The following TJP2 variants were observed in gnomAD, a reference collection of about 807,000 sequenced individuals.
TJP2 encodes the protein Friedreich ataxia region gene X104 (tight junction protein ZO-2).
TJP2 carries 91 observed loss-of-function variants against 133.1 expected under a neutral mutation model. That is an observed-to-expected ratio of 0.68 (90% CI 0.58 to 0.81). The LOEUF (loss-of-function observed/expected upper bound fraction) is 0.81. Ranked by LOEUF, TJP2 falls within the 40% of genes least tolerant of loss-of-function variation. The pLI is 0.00. For missense variants in TJP2, 1,541 were observed against 1,565.6 expected (o/e 0.98, Z 0.26); for synonymous variants, 592 against 583.4 (o/e 1.01, Z -0.21).
Position 69,221,270 on chromosome 9 carries a change from C to A in TJP2, c.726C>A (p.Gly242=), listed in dbSNP as rs778068606. 1 of 1,608,318 alleles carries A rather than the reference C, an allele frequency of 6.2e-7. No individual in the cohort carries two copies. Among genetic ancestry groups the A allele is most frequent in the South Asian group, 1.1e-5 (1 of 90,320 alleles). ...ACCGGGACCGTGACCGCAGCCGCGG[C>A]CGGAGCATTGACCAGGACTACGAGC... ...SRDRDRDRSR[G]RSIDQDYERA... is the part of the protein sequence containing the mutation. The change falls in exon 5 of 23, where the codon GGC becomes GGA. Residue 242 remains glycine, a synonymous_variant. Coordinates refer to ENST00000377245, the MANE Select transcript of TJP2 (RefSeq NM_004817.4).
In TJP2 at chr9:69,216,476, C is replaced by A; in HGVS notation, c.239+13C>A. On this transcript the variant is annotated intron_variant, in intron 3 of 22. Coordinates refer to ENST00000377245, the MANE Select transcript of TJP2 (RefSeq NM_004817.4). Reference sequence around the variant, plus strand: ...ATGGGCTGCTCCAGTGAGTGTCCTCCCTCGCTCCGCAGCCCCTACCAGCCC... The same window carrying A: ...ATGGGCTGCTCCAGTGAGTGTCCTCACTCGCTCCGCAGCCCCTACCAGCCC... 2 of 1,613,932 alleles carry A rather than the reference C, an allele frequency of 1.2e-6. No individual in the cohort carries two copies. The highest frequency in any genetic ancestry group is 1.7e-6 in the Non-Finnish European group (2 of 1,180,014).
Position 69,121,513 on chromosome 9 carries a change from G to C in TJP2, c.-343G>C, listed in dbSNP as rs554512606. The C allele has an allele frequency of 1.4e-3, 378 of 271,934 alleles. 1 individual carries two copies. The highest frequency in any genetic ancestry group is 8.0e-3 in the African/African-American group (347 of 43,586). The allele number at this position is 271,934 out of a possible 1,614,324, so 16.8% of individuals were successfully genotyped here. A position where few individuals can be genotyped will look rare whatever the true frequency, so the allele number is the denominator to read the frequency against. On this transcript the variant is annotated 5_prime_UTR_variant, in exon 1 of 6. Coordinates refer to the TJP2 transcript ENST00000423935. ...TAGCCCGAATCACAATAATATACGG[G>C]AGCAGCCGCGGAGGCCGCTGGCGCC... is the stretch of plus-strand genomic sequence containing the variant.
chr9:69,196,328 C>A (rs1461757635), intron 1 of TJP2, among the ~76,000 whole-genome samples: 2 of 152,296 alleles, frequency 1.3e-5, no homozygotes, highest in South Asian at 2.1e-4. Flanking sequence ...ACTTCAGTGT[C>A]CTTTCTGTAA....
intron 19 of TJP2, chr9:69,248,977 A>C (rs1250499504): frequency 1.0e-6 from 1 of 988,660 alleles, no homozygotes; most frequent in Non-Finnish European, 1.2e-6. Context: ...TACCAAAAAA[A>C]AAAAAAAAAA....
intron 22 of TJP2, 200 bp downstream of exon 22, chr9:69,253,100 T>C: frequency 1.6e-6 from 1 of 608,852 alleles, no homozygotes; most frequent in Non-Finnish European, 2.9e-6. Context: ...GCTTGTGTGC[T>C]AAAACTCTGA....
At chr9:69,251,572 A>T (rs1036927411) in intron 21 of TJP2, among the ~76,000 whole-genome samples, 8 of 152,176 alleles carry the variant, frequency 5.3e-5, no homozygotes, top group African/African-American at 1.7e-4. Context: ...ATAGGGGAAG[A>T]AGATTCTGCT....
intron 1 of TJP2, among the ~76,000 whole-genome samples, chr9:69,132,658 G>A (rs1417891188): frequency 6.6e-6 from 1 of 152,154 alleles, no homozygotes. Context: ...GCCCTTTGAG[G>A]CACTGTGGCA....
intron 1 of TJP2, among the ~76,000 whole-genome samples, chr9:69,141,382 GC>G (rs1293047022): frequency 6.6e-6 from 1 of 151,912 alleles, no homozygotes; most frequent in African/African-American, 2.4e-5. Context: ...GGACCCAGGA[GC>G]CTACTTTCCT....
In TJP2 at chr9:69,135,433, TTTG is replaced by T. The variant is rs372705245; in HGVS notation, c.-131+13723_-131+13725del. Among the ~76,000 whole-genome samples the T allele has an allele frequency of 3.3e-5, 5 of 152,026 alleles. No homozygotes were observed. The East Asian group carries it at 5.8e-4, about 18-fold the overall frequency. Reference sequence around the variant, plus strand: ...GCAGTCTGCTTCTAGGGTCTAGGATTTTGTTGTTGTTGTTGTTTGTTTTTTGAG... The same window carrying T: ...GCAGTCTGCTTCTAGGGTCTAGGATTTTGTTGTTGTTGTTTGTTTTTTGAG... On this transcript the variant is annotated intron_variant, in intron 1 of 5. Transcript: ENST00000423935.
chr9:69,165,607 A>AT (rs1824308911), intron 2 of TJP2, among the ~76,000 whole-genome samples: 1 of 152,232 alleles, frequency 6.6e-6, no homozygotes, highest in South Asian at 2.1e-4. Flanking sequence ...TTAGTCAATC[A>AT]TTGTTTATCA....
At chr9:69,210,100 A>G (rs142565170) in intron 1 of TJP2, among the ~76,000 whole-genome samples, 1 of 152,082 alleles carries the variant, frequency 6.6e-6, no homozygotes, top group African/African-American at 2.4e-5. Context: ...GAGCCTGGCC[A>G]ACATGGTGAA....
At chr9:69,195,513 C>T (rs1020279751) in intron 1 of TJP2, among the ~76,000 whole-genome samples, 1 of 151,998 alleles carries the variant, frequency 6.6e-6, no homozygotes, top group Non-Finnish European at 1.5e-5. Flanking sequence ...GGGGCCTTGC[C>T]ATGGGCAAGT....
intron 5 of TJP2, among the ~76,000 whole-genome samples, chr9:69,222,507 A>G (rs969071790): frequency 7.9e-5 from 12 of 152,158 alleles, no homozygotes; most frequent in African/African-American, 2.4e-4. Flanking sequence ...TGTACCCAGC[A>G]TTGACCTAAA....
rs1827997046 is a variant in TJP2, at chr9:69,212,553, A to C, written c.66A>C (p.Pro22=). The change falls in exon 2 of 23, where the codon CCA becomes CCC. Residue 22 remains proline (P), a synonymous_variant. Transcript: ENST00000377245. ...GTTTTGTTCTTTTAAAACAGGCCCCAGGCATGGAAGAGCTGATATGGGAAC... is the reference window on the plus strand; with the variant it reads ...GTTTTGTTCTTTTAAAACAGGCCCCCGGCATGGAAGAGCTGATATGGGAAC... The part of the protein sequence containing the change: ...RRELSGWLRA[P]GMEELIWEQY... The C allele has an allele frequency of 6.2e-7, 1 of 1,612,648 alleles. No homozygotes were observed. The highest frequency in any genetic ancestry group is 1.3e-5 in the African/African-American group (1 of 74,904).
chr9:69,184,752 CTTTTTTTT>C lies in TJP2; in HGVS notation c.60+10331_60+10338del, dbSNP rs564424748. ...AGACTGATTTCTCTCTCTCTCTCTT[CTTTTTTTT>C]TTTTTTTTTTGAGACGGGCTTGCTC... is the stretch of plus-strand genomic sequence containing the variant. On this transcript the variant is annotated intron_variant, in intron 1 of 22. Coordinates refer to ENST00000377245, the MANE Select transcript of TJP2 (RefSeq NM_004817.4). 2.4e-4 allele frequency among the ~76,000 whole-genome samples: 30 copies of C among 125,866 alleles called. No homozygotes were observed. The Admixed American group carries it at 2.6e-3, about 11-fold the overall frequency. 82.6% of individuals were successfully genotyped at this position (125,866 alleles called of 152,430 possible). A position where few individuals can be genotyped will look rare whatever the true frequency, so the allele number is the denominator to read the frequency against.
chr9:69,254,860 TC>T lies in TJP2; in HGVS notation c.*488del, dbSNP rs1168398341. 1.4e-5 allele frequency: 6 copies of T among 430,424 alleles called. No individual in the cohort carries two copies. Among genetic ancestry groups the T allele is most frequent in the African/African-American group, 4.0e-5 (2 of 49,864 alleles). The allele number at this position is 430,424 out of a possible 1,614,324, so 26.7% of individuals were successfully genotyped here. A position where few individuals can be genotyped will look rare whatever the true frequency, so the allele number is the denominator to read the frequency against. ...GGATGAGAAGTGTCTTAAATTTTCT[TC>T]CTTTGAAGCTTTAGGCAGAGCCATA... is the stretch of plus-strand genomic sequence containing the variant. On this transcript the variant is annotated 3_prime_UTR_variant, in exon 23 of 23. Transcript: ENST00000377245.
intron 11 of TJP2, 106 bp downstream of exon 11, chr9:69,230,338 G>A: frequency 7.0e-7 from 1 of 1,431,802 alleles, no homozygotes; most frequent in Non-Finnish European, 9.8e-7. Context: ...GTGAAATAGA[G>A]CAGCTGCAAG....
intron 14 of TJP2, 62 bp from the exon 15 acceptor site, chr9:69,237,816 T>C (rs1830302386): frequency 5.8e-6 from 7 of 1,199,214 alleles, no homozygotes; most frequent in Middle Eastern, 1.9e-4. Flanking sequence ...ACAATACTTT[T>C]ACTGCTTATC....
chr9:69,214,586 G>A (rs539989183), intron 2 of TJP2, among the ~76,000 whole-genome samples: 104 of 152,052 alleles, frequency 6.8e-4, no homozygotes, highest in Admixed American at 1.8e-3. Context: ...ATCCAGTTAC[G>A]GGCCGGGCGC....
Sources: allele counts gnomAD v4.1 joint callset (sites outside exome capture counted in the v4.1 genomes callset), GRCh38; gene constraint gnomAD v4.1.1; transcripts MANE v1.5; gene names NCBI Gene and HGNC (gene_info 2026-07-23, HGNC 2026-07-21).